The following SCN11A variants were observed in gnomAD, a reference collection of about 807,000 sequenced individuals.
The protein encoded by SCN11A is sodium channel protein type 11 subunit alpha.
Under a neutral mutation model 162.2 loss-of-function variants are expected in SCN11A, and 122 were observed. That is an observed-to-expected ratio of 0.75 (90% CI 0.65 to 0.87). The LOEUF (loss-of-function observed/expected upper bound fraction) is 0.87. SCN11A is among the 40% of genes least tolerant of loss of function. SCN11A has a pLI of 0.00. For missense variants in SCN11A, 2,015 were observed against 2,181.6 expected (o/e 0.92, Z 1.52); for synonymous variants, 758 against 751.5 (o/e 1.01, Z -0.14).
At chr3:38,906,678 C>T (rs2065796943) in intron 14 of SCN11A, among the ~76,000 whole-genome samples, 1 of 152,170 alleles carries the variant, frequency 6.6e-6, no homozygotes, top group African/African-American at 2.4e-5. Flanking sequence ...CTGCAACAGC[C>T]TCTTAACTGG....
At position 38,879,939 on chromosome 3, in the gene SCN11A, G is replaced by A. The variant is rs918109581; in HGVS notation, c.3393+11C>T. ...CCCAGCCTGTGTGGGACACAGAGATGGTAAACTTACAATCACAATGATGAA... is the reference window on the plus strand; with the variant it reads ...CCCAGCCTGTGTGGGACACAGAGATAGTAAACTTACAATCACAATGATGAA... On this transcript the variant is annotated intron_variant, in intron 23 of 29. Transcript: ENST00000302328. The A allele has an allele frequency of 2.2e-5, 35 of 1,609,058 alleles. No individual in the cohort carries two copies. Among genetic ancestry groups the A allele is most frequent in the Non-Finnish European group, 2.5e-5 (29 of 1,176,916 alleles).
At chr3:38,953,831 A>C (rs369760863) in intron 3 of SCN11A, among the ~76,000 whole-genome samples, 72 bp from the exon 4 acceptor site, 6 of 152,322 alleles carry the variant, frequency 3.9e-5, no homozygotes, top group African/African-American at 1.4e-4. Flanking sequence ...GGCTCTGAAA[A>C]CAGCGTGAAA....
At chr3:38,940,583 G>A (rs1404490820) in intron 7 of SCN11A, among the ~76,000 whole-genome samples, 1 of 152,190 alleles carries the variant, frequency 6.6e-6, no homozygotes, top group Non-Finnish European at 1.5e-5. Flanking sequence ...AACAAATGGT[G>A]TTGGGACAAA....
intron 3 of SCN11A, among the ~76,000 whole-genome samples, chr3:38,956,101 C>T (rs1345484703): frequency 6.6e-6 from 1 of 152,006 alleles, no homozygotes; most frequent in Non-Finnish European, 1.5e-5. Flanking sequence ...AAAAATCAGC[C>T]AGGTGTGGTG....
intron 19 of SCN11A, among the ~76,000 whole-genome samples, chr3:38,892,236 G>A (rs969915978): frequency 2.0e-5 from 3 of 152,064 alleles, no homozygotes; most frequent in Non-Finnish European, 2.9e-5. Context: ...GAAAAACACA[G>A]AGAATTCTTT....
intron 2 of SCN11A, among the ~76,000 whole-genome samples, chr3:39,015,567 CT>C (rs1031903657): frequency 6.6e-6 from 1 of 152,104 alleles, no homozygotes; most frequent in Non-Finnish European, 1.5e-5. Context: ...CTCTGTGCCT[CT>C]CCTAATTCAG....
intron 11 of SCN11A, among the ~76,000 whole-genome samples, 180 bp from the exon 12 acceptor site, chr3:38,910,387 T>C (rs2065870607): frequency 6.6e-6 from 1 of 152,222 alleles, no homozygotes; most frequent in South Asian, 2.1e-4. Context: ...AATGAACTGA[T>C]TAATAAATTC....
chr3:39,005,677 A>G (rs528089513), intron 2 of SCN11A, among the ~76,000 whole-genome samples: 1 of 152,162 alleles, frequency 6.6e-6, no homozygotes, highest in East Asian at 1.9e-4. Context: ...AACTATCCAT[A>G]TTTTTTTATT....
At chr3:38,896,752 A>T in intron 18 of SCN11A, 93 bp downstream of exon 18, 1 of 1,038,242 alleles carries the variant, frequency 9.6e-7, no homozygotes, top group Non-Finnish European at 1.3e-6. Flanking sequence ...TAGAATAATA[A>T]TTTTTACTAG....
chr3:39,035,011 T>C (rs1480816753), intron 1 of SCN11A, among the ~76,000 whole-genome samples: 1 of 152,180 alleles, frequency 6.6e-6, no homozygotes, highest in African/African-American at 2.4e-5. Flanking sequence ...ATTGTTAAAA[T>C]GTCCATACCA....
At chr3:38,994,830 G>A (rs932322070) in intron 2 of SCN11A, among the ~76,000 whole-genome samples, 58 of 152,148 alleles carry the variant, frequency 3.8e-4, no homozygotes, top group African/African-American at 1.4e-3. Flanking sequence ...GGGCTCTGGG[G>A]GAGAGACTCA....
chr3:39,018,300 G>A (rs75689929), intron 2 of SCN11A, among the ~76,000 whole-genome samples: 5 of 152,144 alleles, frequency 3.3e-5, no homozygotes, highest in African/African-American at 1.2e-4. Context: ...GTTTCTTTCT[G>A]TGTGCAGTTC....
intron 14 of SCN11A, 127 bp downstream of exon 14, chr3:38,907,822 A>T: frequency 2.5e-6 from 2 of 785,546 alleles, no homozygotes; most frequent in Non-Finnish European, 4.1e-6. Flanking sequence ...GATGCATGAA[A>T]GTATGTGCAA....
intron 1 of SCN11A, among the ~76,000 whole-genome samples, chr3:39,037,071 C>T (rs1038498229): frequency 1.3e-5 from 2 of 152,178 alleles, no homozygotes; most frequent in Admixed American, 6.5e-5. Context: ...TTGGAATCAA[C>T]CTAAGTGTTC....
At chr3:38,907,406 TG>T (rs2065817861) in intron 14 of SCN11A, among the ~76,000 whole-genome samples, 1 of 149,470 alleles carries the variant, frequency 6.7e-6, no homozygotes, top group African/African-American at 2.5e-5. Flanking sequence ...GCCCTTACTT[TG>T]GAAGGATTAA....
intron 19 of SCN11A, among the ~76,000 whole-genome samples, chr3:38,890,479 A>G (rs1438138691): frequency 2.0e-5 from 3 of 152,264 alleles, no homozygotes; most frequent in Non-Finnish European, 4.4e-5. Context: ...AAACTAAAAC[A>G]TAGGTCAGCA....
chr3:38,991,230 C>T (rs1322701394), intron 2 of SCN11A, among the ~76,000 whole-genome samples: 1 of 152,184 alleles, frequency 6.6e-6, no homozygotes, highest in Non-Finnish European at 1.5e-5. Flanking sequence ...CCATGCCCCA[C>T]CATTTCTCTG....
chr3:38,936,609 C>T (rs1457272161), intron 7 of SCN11A, among the ~76,000 whole-genome samples: 1 of 146,806 alleles, frequency 6.8e-6, no homozygotes, highest in African/African-American at 2.6e-5. Flanking sequence ...CATGAGTGAA[C>T]TCCCATTCAC....
At chr3:38,964,744 G>A (rs542005704) in intron 2 of SCN11A, among the ~76,000 whole-genome samples, 17 of 152,372 alleles carry the variant, frequency 1.1e-4, no homozygotes, top group African/African-American at 4.1e-4. Flanking sequence ...ATTGCCAAAA[G>A]GAGGAGCATG....
Sources: gnomAD v4.1 joint callset for allele counts (sites outside exome capture counted in the v4.1 genomes callset) on GRCh38, gnomAD v4.1.1 for gene constraint, MANE v1.5 for transcripts, NCBI Gene and HGNC (gene_info 2026-07-23, HGNC 2026-07-21) for gene names.